The following KPNB1 variants were observed in gnomAD, a reference collection of about 807,000 sequenced individuals.
KPNB1 encodes the protein importin subunit beta-1.
In KPNB1, 7 loss-of-function variants were observed where a neutral mutation model predicts 113.0. The ratio of observed to expected loss-of-function variants is 0.06; its 90% confidence interval spans 0.04 to 0.12. The LOEUF (loss-of-function observed/expected upper bound fraction) is 0.12. Ranked by LOEUF, KPNB1 falls within the 10% of genes least tolerant of loss-of-function variation. The pLI, the probability that KPNB1 is intolerant of heterozygous loss-of-function variation, is 1.00. For missense variants in KPNB1, 400 were observed against 1,054.8 expected (o/e 0.38, Z 8.60); for synonymous variants, 363 against 378.6 (o/e 0.96, Z 0.48).
At chr17:47,664,088 A>T in intron 7 of KPNB1, 71 bp from the exon 8 acceptor site, 1 of 886,016 alleles carries the variant, frequency 1.1e-6, no homozygotes, top group Non-Finnish European at 1.8e-6. Flanking sequence ...GTCTGTGGTT[A>T]AAGCCGGGTT....
intron 15 of KPNB1, among the ~76,000 whole-genome samples, chr17:47,675,361 G>GTTGT (rs1567894260): frequency 1.2e-4 from 11 of 88,688 alleles, no homozygotes; most frequent in Non-Finnish European, 2.3e-4. Flanking sequence ...CAGAGGTGTT[G>GTTGT]TTTTTTTTTT....
intron 15 of KPNB1, 26 bp downstream of exon 15, chr17:47,674,808 G>T: frequency 6.3e-7 from 1 of 1,594,066 alleles, no homozygotes; most frequent in South Asian, 1.1e-5. Flanking sequence ...TGTCTGGTCA[G>T]GGAATGTCTT....
intron 15 of KPNB1, among the ~76,000 whole-genome samples, chr17:47,675,983 G>A (rs900975235): frequency 6.6e-6 from 1 of 152,208 alleles, no homozygotes; most frequent in African/African-American, 2.4e-5. Context: ...TTTCCTGGCT[G>A]TGGCTTGTTT....
At chr17:47,662,978 C>T in intron 6 of KPNB1, 111 bp from the exon 7 acceptor site, 1 of 741,040 alleles carries the variant, frequency 1.3e-6, no homozygotes, top group East Asian at 2.5e-5. Flanking sequence ...GATAACGTAT[C>T]CCATATTTAC....
intron 12 of KPNB1, 110 bp downstream of exon 12, chr17:47,670,942 C>T: frequency 1.0e-6 from 1 of 962,656 alleles, no homozygotes; most frequent in Non-Finnish European, 1.5e-6. Flanking sequence ...CAGGACAAGA[C>T]TCTACCTTCT....
At chr17:47,675,361 GTTTTTTTTTT>G (rs2030570313) in intron 15 of KPNB1, among the ~76,000 whole-genome samples, 5 of 88,692 alleles carry the variant, frequency 5.6e-5, no homozygotes, top group South Asian at 3.7e-4. Flanking sequence ...CAGAGGTGTT[GTTTTTTTTTT>G]GTTTTTTTTT....
intron 19 of KPNB1, 167 bp from the exon 20 acceptor site, chr17:47,679,853 C>T (rs562417724): frequency 2.0e-5 from 10 of 497,026 alleles, no homozygotes; most frequent in East Asian, 1.1e-4. Context: ...CCCGCCACCA[C>T]GCCCGGCTAA....
intron 2 of KPNB1, among the ~76,000 whole-genome samples, chr17:47,650,714 G>A (rs1292980518): frequency 6.6e-6 from 1 of 152,168 alleles, no homozygotes; most frequent in East Asian, 1.9e-4. Flanking sequence ...GGGCGGCGGT[G>A]CAGCGGGAGG....
intron 3 of KPNB1, 82 bp downstream of exon 3, chr17:47,652,958 TAG>T: frequency 3.7e-6 from 4 of 1,069,002 alleles, no homozygotes; most frequent in Non-Finnish European, 5.4e-6. Flanking sequence ...TTGCATGGGA[TAG>T]AGCTAACAGT....
chr17:47,666,031 C>G (rs2030256008), intron 9 of KPNB1, among the ~76,000 whole-genome samples: 1 of 151,914 alleles, frequency 6.6e-6, no homozygotes, highest in South Asian at 2.1e-4. Flanking sequence ...TCTCTCCTCT[C>G]AGGGTTTTTT....
chr17:47,651,382 A>G, intron 2 of KPNB1: 1 of 983,484 alleles, frequency 1.0e-6, no homozygotes, highest in Non-Finnish European at 1.2e-6. Flanking sequence ...GAAAGGTAAT[A>G]GGAATTAAGT....
In KPNB1 at chr17:47,682,314, T is replaced by A. The variant is rs950095034; in HGVS notation, c.*-90T>A. 6 of 773,090 alleles carry A rather than the reference T, an allele frequency of 7.8e-6. No homozygotes were observed. The African/African-American group carries it at 1.0e-4, about 13-fold the overall frequency. The allele number at this position is 773,090 out of a possible 1,614,324, so 47.9% of individuals were successfully genotyped here. ...AATGTTGACAAATTCCATTCAGGCCTAGGAGCATGTAATTGTAGGAGTCAG... is the reference window on the plus strand; with the variant it reads ...AATGTTGACAAATTCCATTCAGGCCAAGGAGCATGTAATTGTAGGAGTCAG... On this transcript the variant is annotated intron_variant, in intron 21 of 21. Transcript: ENST00000290158.
chr17:47,674,772 A>G lies in KPNB1; in HGVS notation c.1902A>G (p.Thr634=). 1 of 1,610,284 alleles carries G rather than the reference A, an allele frequency of 6.2e-7. No homozygotes were observed. Among genetic ancestry groups the G allele is most frequent in the South Asian group, 1.1e-5 (1 of 90,262 alleles). Residue 634 remains threonine, a synonymous_variant, in exon 15 of 22, where the codon ACA becomes ACG. Transcript: ENST00000290158. The part of the protein sequence containing the change: ...VQEDALMAVS[T]LVEVLGGEFL... ...AGGATGCCCTGATGGCAGTTAGCACACTGGTGGAAGGTCGGTGAGAAATAC... is the reference window on the plus strand; with the variant it reads ...AGGATGCCCTGATGGCAGTTAGCACGCTGGTGGAAGGTCGGTGAGAAATAC...
chr17:47,667,490 T>A (rs1432310600), intron 9 of KPNB1, among the ~76,000 whole-genome samples: 2 of 151,972 alleles, frequency 1.3e-5, no homozygotes, highest in African/African-American at 4.8e-5. Flanking sequence ...CTCCCTTACT[T>A]TCCTGGTCTT....
rs2030356097 is a variant in KPNB1, at chr17:47,668,464, A to T, written c.1224+54A>T. 23 of 1,381,672 alleles carry T rather than the reference A, an allele frequency of 1.7e-5. No individual in the cohort carries two copies. The East Asian group carries it at 5.3e-4, about 32-fold the overall frequency. The allele number at this position is 1,381,672 out of a possible 1,614,324, so 85.6% of individuals were successfully genotyped here. On this transcript the variant is annotated intron_variant, in intron 10 of 21. Transcript: ENST00000290158. ...AGTAGGATATTTATTGTTTAAACTT[A>T]AAGCATATCTTTATTTTTCAAAACA...
chr17:47,671,950 G>A (rs193080173), intron 12 of KPNB1: 64 of 152,030 alleles, frequency 4.2e-4, no homozygotes, highest in Admixed American at 3.3e-3. Context: ...TTTATGTTTT[G>A]TATGAGCTAT....
In KPNB1 at chr17:47,665,089, C is replaced by G. The variant is rs1165828389; in HGVS notation, c.930C>G (p.Thr310=). Reference sequence around the variant, plus strand: ...AACAAGGACGGCCCCCTGAGCACACCAGCAAGTTTTATGCGAAGGGAGCAC... The same window carrying G: ...AACAAGGACGGCCCCCTGAGCACACGAGCAAGTTTTATGCGAAGGGAGCAC... ...AAEQGRPPEH[T]SKFYAKGALQ... is the part of the protein sequence containing the mutation. The change falls in exon 9 of 22, where the codon ACC becomes ACG. Residue 310 remains threonine, a synonymous_variant. Coordinates refer to ENST00000290158, the MANE Select transcript of KPNB1 (RefSeq NM_002265.6). The G allele has an allele frequency of 1.2e-6, 2 of 1,614,186 alleles. No individual in the cohort carries two copies. The highest frequency in any genetic ancestry group is 1.3e-5 in the African/African-American group (1 of 75,040).
chr17:47,662,562 C>T (rs2030135496), intron 6 of KPNB1, among the ~76,000 whole-genome samples: 1 of 145,532 alleles, frequency 6.9e-6, no homozygotes, highest in Admixed American at 7.0e-5. Flanking sequence ...GGCGACAGAG[C>T]AAGAAGACTG....
Position 47,670,752 on chromosome 17 carries a change from T to C in KPNB1, c.1467T>C (p.Asp489=). Residue 489 remains aspartate (D), a synonymous_variant, in exon 12 of 22, where the codon GAT becomes GAC. Coordinates refer to ENST00000290158, the MANE Select transcript of KPNB1 (RefSeq NM_002265.6). ...CTTATGAAGCTGCAGACGTTGCTGA[T>C]GATCAGGAAGAACCAGCTACTTACT... The part of the protein sequence containing the change: ...EAAYEAADVA[D]DQEEPATYCL... The C allele has an allele frequency of 1.2e-6, 2 of 1,613,590 alleles. No individual in the cohort carries two copies. Among genetic ancestry groups the C allele is most frequent in the Non-Finnish European group, 1.7e-6 (2 of 1,179,520 alleles).
Sources: allele counts gnomAD v4.1 joint callset (sites outside exome capture counted in the v4.1 genomes callset), GRCh38; gene constraint gnomAD v4.1.1; transcripts MANE v1.5; gene names NCBI Gene and HGNC (gene_info 2026-07-23, HGNC 2026-07-21).